PRH1: variants seen among roughly 807,000 people sequenced by gnomAD.
PRH1 encodes proline rich protein HaeIII subfamily 1.
A neutral mutation model predicts 7.9 loss-of-function variants in PRH1; 7 were observed. That is an observed-to-expected ratio of 0.89 (90% CI 0.50 to 1.67). The LOEUF is 1.67. Ranked by LOEUF, PRH1 falls within the 40% of genes most tolerant of loss-of-function variation. The pLI, the probability that PRH1 is intolerant of heterozygous loss-of-function variation, is 0.00. For synonymous variants in PRH1, 45 were observed against 80.8 expected, an observed-to-expected ratio of 0.56 and a Z score of 2.38; for missense variants, 109 against 223.6, an observed-to-expected ratio of 0.49 and a Z score of 3.27.
chr12:11,029,828 A>G (rs1406687706), intron 1 of PRH1, among the ~76,000 whole-genome samples: 1 of 152,178 alleles, frequency 6.6e-6, no homozygotes, highest in Non-Finnish European at 1.5e-5. Flanking sequence ...TTTTCTAACA[A>G]TAATTCTCAT....
At chr12:11,044,216 T>G (rs955001976) in intron 1 of PRH1, among the ~76,000 whole-genome samples, 5 of 152,174 alleles carry the variant, frequency 3.3e-5, no homozygotes, top group African/African-American at 1.2e-4. Flanking sequence ...CAATAAATGG[T>G]GCTGGGACAA....
At chr12:11,015,059 G>A (rs1184343759) in intron 1 of PRH1, among the ~76,000 whole-genome samples, 2 of 152,134 alleles carry the variant, frequency 1.3e-5, no homozygotes, top group Non-Finnish European at 2.9e-5. Context: ...TGAGGCATAC[G>A]TGTTAAGAGA....
chr12:11,122,006 T>C (rs187530027), intron 1 of PRH1, among the ~76,000 whole-genome samples: 12 of 152,366 alleles, frequency 7.9e-5, no homozygotes, highest in African/African-American at 2.4e-4. Context: ...TATCATATAA[T>C]AAACATACAT....
At chr12:11,145,644 C>T (rs1290750669) in intron 1 of PRH1, among the ~76,000 whole-genome samples, 1 of 152,180 alleles carries the variant, frequency 6.6e-6, no homozygotes, top group African/African-American at 2.4e-5. Context: ...GGAAACTCCA[C>T]ATAGAGCACT....
At chr12:10,930,016 A>G (rs1441422073) in intron 2 of PRH1, among the ~76,000 whole-genome samples, 1 of 152,182 alleles carries the variant, frequency 6.6e-6, no homozygotes, top group East Asian at 1.9e-4. Context: ...CTAAATAAGC[A>G]CTAAGGCTTA....
At chr12:11,055,989 A>G (rs1943347526) in intron 1 of PRH1, among the ~76,000 whole-genome samples, 1 of 152,284 alleles carries the variant, frequency 6.6e-6, no homozygotes, top group Non-Finnish European at 1.5e-5. Flanking sequence ...ACTTATTGTT[A>G]ACAAGCTCAT....
intron 1 of PRH1, among the ~76,000 whole-genome samples, chr12:11,040,743 TAGAC>T (rs1462483575): frequency 6.6e-6 from 1 of 152,156 alleles, no homozygotes; most frequent in African/African-American, 2.4e-5. Context: ...TTTGAAGACA[TAGAC>T]AGTACAATAA....
At chr12:10,938,441 C>A in intron 2 of PRH1, 1 of 1,614,040 alleles carries the variant, frequency 6.2e-7, no homozygotes, top group South Asian at 1.1e-5. Context: ...TTCCTCCAAC[C>A]TTTCAGAGGT....
intron 1 of PRH1, among the ~76,000 whole-genome samples, chr12:11,004,636 T>C (rs1346000503): frequency 6.6e-6 from 1 of 152,158 alleles, no homozygotes; most frequent in Non-Finnish European, 1.5e-5. Flanking sequence ...TTATTAGGGA[T>C]TAATTATATA....
At chr12:10,900,000 A>G (rs1949701633) in intron 2 of PRH1, among the ~76,000 whole-genome samples, 1 of 152,218 alleles carries the variant, frequency 6.6e-6, no homozygotes, top group African/African-American at 2.4e-5. Flanking sequence ...AGAAAAAAAT[A>G]CCAACCTACA....
chr12:11,115,668 T>C (rs1945711575), intron 1 of PRH1, among the ~76,000 whole-genome samples: 2 of 152,090 alleles, frequency 1.3e-5, no homozygotes, highest in South Asian at 4.1e-4. Context: ...TCTTGAACAA[T>C]CCAAAAAATT....
chr12:10,980,531 T>C (rs1031019517), intron 1 of PRH1, among the ~76,000 whole-genome samples: 6 of 152,086 alleles, frequency 3.9e-5, no homozygotes, highest in African/African-American at 1.4e-4. Context: ...AAAAAAGCTT[T>C]ATATAATGAG....
intron 1 of PRH1, chr12:10,986,125 T>C: frequency 1.2e-6 from 2 of 1,613,950 alleles, no homozygotes; most frequent in Non-Finnish European, 1.7e-6. Context: ...ACCGAAACGA[T>C]TAGGAATAGA....
intron 1 of PRH1, chr12:11,077,345 A>G: frequency 2.9e-6 from 1 of 343,368 alleles, no homozygotes. Flanking sequence ...CCTTTCACTA[A>G]GCATGTGACC....
At chr12:10,986,376 A>G in intron 1 of PRH1, 11 of 1,613,996 alleles carry the variant, frequency 6.8e-6, no homozygotes, top group Non-Finnish European at 9.3e-6. Flanking sequence ...CTTCCCAGTC[A>G]TGTTTCCTTC....
At chr12:11,149,335 A>G (rs1946984770) in intron 1 of PRH1, among the ~76,000 whole-genome samples, 1 of 152,128 alleles carries the variant, frequency 6.6e-6, no homozygotes, top group African/African-American at 2.4e-5. Flanking sequence ...CTAGCTTTTG[A>G]ATGTGTTTGC....
At chr12:11,061,266 C>A in intron 1 of PRH1, 1 of 1,491,730 alleles carries the variant, frequency 6.7e-7, no homozygotes, top group South Asian at 1.4e-5. Flanking sequence ...GAAAGTTATT[C>A]ATATACATAC....
At chr12:10,931,439 T>G (rs1353705427) in intron 2 of PRH1, among the ~76,000 whole-genome samples, 1 of 152,218 alleles carries the variant, frequency 6.6e-6, no homozygotes, top group African/African-American at 2.4e-5. Flanking sequence ...GGCTCAGTCC[T>G]GCCTCACACT....
intron 2 of PRH1, among the ~76,000 whole-genome samples, chr12:10,913,381 G>A (rs1296191899): frequency 6.6e-6 from 1 of 152,104 alleles, no homozygotes; most frequent in East Asian, 1.9e-4. Flanking sequence ...CAGGAACCTG[G>A]GAGGTGGAGC....
Sources: allele counts gnomAD v4.1 joint callset (sites outside exome capture counted in the v4.1 genomes callset), GRCh38; gene constraint gnomAD v4.1.1; transcripts MANE v1.5; gene names NCBI Gene and HGNC (gene_info 2026-07-23, HGNC 2026-07-21).